ATP8A2: variants seen among roughly 807,000 people sequenced by gnomAD.
The protein encoded by ATP8A2 is ATPase phospholipid transporting 8A2.
ATP8A2 carries 100 observed loss-of-function variants against 165.6 expected under a neutral mutation model. The ratio of observed to expected loss-of-function variants is 0.60; its 90% CI spans 0.51 to 0.71. The LOEUF (loss-of-function observed/expected upper bound fraction) is 0.71, where lower values mean the gene tolerates loss of function less well. Ranked by LOEUF, ATP8A2 falls within the 30% of genes least tolerant of loss-of-function variation. The pLI is 0.00. For synonymous variants in ATP8A2, 543 were observed against 548.8 expected, an observed-to-expected ratio of 0.99 and a Z score of 0.15; for missense variants, 1,227 against 1,479.5, an observed-to-expected ratio of 0.83 and a Z score of 2.80.
intron 25 of ATP8A2, among the ~76,000 whole-genome samples, chr13:25,767,686 C>A (rs1371389153): frequency 6.6e-6 from 1 of 152,210 alleles, no homozygotes; most frequent in Non-Finnish European, 1.5e-5. Context: ...GCTGCCATTG[C>A]AAACCCTTGT....
At chr13:25,536,970 C>T (rs1158424387) in intron 6 of ATP8A2, among the ~76,000 whole-genome samples, 5 of 152,302 alleles carry the variant, frequency 3.3e-5, no homozygotes, top group South Asian at 2.1e-4. Context: ...AAGCAGCTTG[C>T]GGAGATCACA....
intron 33 of ATP8A2, among the ~76,000 whole-genome samples, chr13:25,948,319 T>C (rs1955264512): frequency 6.6e-6 from 1 of 152,094 alleles, no homozygotes; most frequent in Non-Finnish European, 1.5e-5. Flanking sequence ...TTATAATCGA[T>C]AGTGTAAAAA....
chr13:25,954,622 A>C (rs1261635657), intron 33 of ATP8A2, among the ~76,000 whole-genome samples: 1 of 152,200 alleles, frequency 6.6e-6, no homozygotes, highest in African/African-American at 2.4e-5. Flanking sequence ...TCTGACTGGC[A>C]TCTGGCGGGT....
At chr13:25,686,105 T>C (rs1474403976) in intron 24 of ATP8A2, among the ~76,000 whole-genome samples, 1 of 152,208 alleles carries the variant, frequency 6.6e-6, no homozygotes, top group Non-Finnish European at 1.5e-5. Context: ...TGATCACTGC[T>C]GTGTTTCTCT....
At chr13:25,437,151 C>T (rs2034803566) in intron 1 of ATP8A2, among the ~76,000 whole-genome samples, 1 of 152,098 alleles carries the variant, frequency 6.6e-6, no homozygotes, top group African/African-American at 2.4e-5. Context: ...ATTTGCGTTT[C>T]TCTGATGATT....
At chr13:25,989,817 C>A (rs1956349290) in intron 35 of ATP8A2, among the ~76,000 whole-genome samples, 1 of 152,182 alleles carries the variant, frequency 6.6e-6, no homozygotes, top group Admixed American at 6.5e-5. Flanking sequence ...CTCATGCTTC[C>A]CGGAAGGGTG....
At chr13:25,807,371 G>A (rs181021443) in intron 27 of ATP8A2, among the ~76,000 whole-genome samples, 1 of 152,054 alleles carries the variant, frequency 6.6e-6, no homozygotes, top group Non-Finnish European at 1.5e-5. Context: ...AATGGTGTGA[G>A]GTAGTTGTCC....
intron 1 of ATP8A2, among the ~76,000 whole-genome samples, chr13:25,447,565 C>A (rs1041052686): frequency 1.3e-5 from 2 of 152,172 alleles, no homozygotes; most frequent in East Asian, 1.9e-4. Flanking sequence ...AATCCAGTAC[C>A]AGCCATGGCA....
intron 29 of ATP8A2, 94 bp from the exon 30 acceptor site, chr13:25,839,452 G>A: frequency 6.9e-6 from 6 of 867,184 alleles, no homozygotes; most frequent in South Asian, 6.7e-5. Context: ...GCAGCGCACG[G>A]CCAGGATCCT....
chr13:25,513,738 C>T (rs541608995), intron 2 of ATP8A2, among the ~76,000 whole-genome samples: 2 of 152,270 alleles, frequency 1.3e-5, no homozygotes, highest in African/African-American at 4.8e-5. Flanking sequence ...GCGGATCACT[C>T]GCGGTTAGGA....
chr13:25,848,166 TG>T (rs1279353682), intron 30 of ATP8A2, among the ~76,000 whole-genome samples: 1 of 152,242 alleles, frequency 6.6e-6, no homozygotes. Context: ...CTAGCATCTG[TG>T]AGTACGAACT....
intron 10 of ATP8A2, among the ~76,000 whole-genome samples, chr13:25,544,637 G>A (rs2038586576): frequency 6.6e-6 from 1 of 152,154 alleles, no homozygotes; most frequent in African/African-American, 2.4e-5. Context: ...TAGCATGGGA[G>A]ACCTGGGAGT....
intron 33 of ATP8A2, among the ~76,000 whole-genome samples, chr13:25,894,387 A>T (rs1020912878): frequency 5.3e-5 from 8 of 152,028 alleles, no homozygotes; most frequent in African/African-American, 1.9e-4. Context: ...TGTTCCATTG[A>T]TCTATATTTC....
chr13:25,896,071 G>A (rs1393363180), intron 33 of ATP8A2, among the ~76,000 whole-genome samples: 1 of 152,090 alleles, frequency 6.6e-6, no homozygotes, highest in East Asian at 1.9e-4. Flanking sequence ...CTTGCCTTAT[G>A]CTAGCTTTTG....
intron 33 of ATP8A2, among the ~76,000 whole-genome samples, chr13:25,919,570 G>A (rs929906589): frequency 6.6e-6 from 1 of 152,080 alleles, no homozygotes; most frequent in African/African-American, 2.4e-5. Flanking sequence ...TGCCCTAAGA[G>A]ACTACAGTGT....
At chr13:25,837,423 C>CCACACACACA (rs72194516) in intron 29 of ATP8A2, 138 bp downstream of exon 29, 11 of 311,596 alleles carry the variant, frequency 3.5e-5, no homozygotes, top group African/African-American at 2.4e-4. Context: ...CACCCCACCA[C>CCACACACACA]CACACACACA....
intron 12 of ATP8A2, 116 bp downstream of exon 12, chr13:25,554,036 C>T (rs1566259483): frequency 1.8e-6 from 2 of 1,126,050 alleles, no homozygotes; most frequent in Non-Finnish European, 2.5e-6. Flanking sequence ...GGTCCAGGGG[C>T]TTAAACTGGC....
chr13:25,785,376 A>T (rs1235693982), intron 27 of ATP8A2, among the ~76,000 whole-genome samples: 1 of 152,090 alleles, frequency 6.6e-6, no homozygotes, highest in Non-Finnish European at 1.5e-5. Context: ...TCAAAAAATA[A>T]TAATAATAAT....
intron 35 of ATP8A2, among the ~76,000 whole-genome samples, chr13:25,976,713 T>A (rs780853076): frequency 2.8e-4 from 43 of 151,890 alleles, no homozygotes; most frequent in Non-Finnish European, 5.2e-4. Flanking sequence ...CCCCAAGAAA[T>A]GCTGAAGCCA....
Sources: gnomAD v4.1 joint callset for allele counts (sites outside exome capture counted in the v4.1 genomes callset) on GRCh38, gnomAD v4.1.1 for gene constraint, MANE v1.5 for transcripts, NCBI Gene and HGNC (gene_info 2026-07-23, HGNC 2026-07-21) for gene names.